KLHL2: variants seen among roughly 807,000 people sequenced by gnomAD.
KLHL2 encodes kelch like family member 2.
KLHL2 carries 15 observed loss-of-function variants against 75.8 expected under a neutral mutation model. The observed-to-expected ratio is 0.20, with a 90% CI of 0.13 to 0.30. The LOEUF (loss-of-function observed/expected upper bound fraction) is 0.30, where lower values mean the gene tolerates loss of function less well. Among genes scored for constraint, KLHL2 ranks in the 10% least tolerant of loss-of-function variants. The pLI, the probability that KLHL2 is intolerant of heterozygous loss-of-function variation, is 1.00. For missense variants in KLHL2, 381 were observed against 741.0 expected (o/e 0.51, Z 5.64); for synonymous variants, 214 against 251.9 (o/e 0.85, Z 1.42).
chr4:165,277,071 A>T (rs1316315038), intron 5 of KLHL2, among the ~76,000 whole-genome samples: 3 of 152,334 alleles, frequency 2.0e-5, no homozygotes, highest in Middle Eastern at 3.4e-3. Flanking sequence ...AAATTCTGGT[A>T]GATATTATGC....
chr4:165,288,335 C>T lies in KLHL2; in HGVS notation c.545-6024C>T, dbSNP rs976630634. 1.2e-4 allele frequency among the ~76,000 whole-genome samples: 18 copies of T among 152,090 alleles called. 1 individual carries two copies. The highest frequency in any genetic ancestry group is 3.4e-3 in the Middle Eastern group (1 of 294). On this transcript the variant is annotated intron_variant, in intron 5 of 14. Coordinates refer to ENST00000226725, the MANE Select transcript of KLHL2 (RefSeq NM_007246.4). ...ACATGAGGATTTAAAAATATTTGAACGGTATACATTGAAAGAGTCATCCTT... is the reference window on the plus strand; with the variant it reads ...ACATGAGGATTTAAAAATATTTGAATGGTATACATTGAAAGAGTCATCCTT...
intron 13 of KLHL2, among the ~76,000 whole-genome samples, chr4:165,316,615 A>G (rs1364330214): frequency 6.8e-6 from 1 of 147,318 alleles, no homozygotes; most frequent in East Asian, 1.9e-4. Context: ...AAAAGCATTT[A>G]CCATTAGACT....
Position 165,263,455 on chromosome 4 carries a change from G to A in KLHL2, c.544+96G>A, listed in dbSNP as rs909317739. The stretch of plus-strand genomic sequence containing the variant: ...TCTGGAAAGTCATGTCATATTTCTG[G>A]ATCTGGGCTTTATAAAAATACATTT... On this transcript the variant is annotated intron_variant, in intron 5 of 14. Transcript: ENST00000226725. 5.9e-6 allele frequency: 9 copies of A among 1,519,570 alleles called. No individual in the cohort carries two copies. The Admixed American group carries it at 8.7e-5, about 15-fold the overall frequency. 94.1% of individuals were successfully genotyped at this position (1,519,570 alleles called of 1,614,324 possible). A position where few individuals can be genotyped will look rare whatever the true frequency, so the allele number is the denominator to read the frequency against.
At position 165,242,654 on chromosome 4, in the gene KLHL2, G is replaced by A. The variant is rs71618448; in HGVS notation, c.381+3755G>A. On this transcript the variant is annotated intron_variant, in intron 4 of 14. Coordinates refer to ENST00000226725, the MANE Select transcript of KLHL2 (RefSeq NM_007246.4). Reference sequence around the variant, plus strand: ...TGGGACTACAGACATGCACCATCACGCCCGGCTAATTTTTGTATTTTTAGT... The same window carrying A: ...TGGGACTACAGACATGCACCATCACACCCGGCTAATTTTTGTATTTTTAGT... Among the ~76,000 whole-genome samples, 1,354 of 151,866 alleles carry A rather than the reference G, an allele frequency of 8.9e-3. 11 individuals carry two copies. The highest frequency in any genetic ancestry group is 0.017 in the Middle Eastern group (5 of 294).
chr4:165,220,485 C>T (rs1312495560), intron 2 of KLHL2, among the ~76,000 whole-genome samples: 10 of 151,954 alleles, frequency 6.6e-5, no homozygotes, highest in African/African-American at 2.4e-4. Flanking sequence ...TTTGAGAGGC[C>T]AGGGCAGGAG....
At chr4:165,291,822 C>T (rs1462010453) in intron 5 of KLHL2, among the ~76,000 whole-genome samples, 1 of 151,926 alleles carries the variant, frequency 6.6e-6, no homozygotes, top group Non-Finnish European at 1.5e-5. Context: ...CTCCCGTATA[C>T]TTTATTTTTA....
intron 11 of KLHL2, among the ~76,000 whole-genome samples, 170 bp from the exon 12 acceptor site, chr4:165,313,068 G>A (rs1443975388): frequency 6.6e-6 from 1 of 152,092 alleles, no homozygotes; most frequent in Non-Finnish European, 1.5e-5. Context: ...TACCCCATCT[G>A]TCACCATTAG....
chr4:165,215,889 A>C (rs1477781884), intron 1 of KLHL2, among the ~76,000 whole-genome samples: 1 of 152,104 alleles, frequency 6.6e-6, no homozygotes, highest in Non-Finnish European at 1.5e-5. Context: ...ACTCCTGGAG[A>C]TGCCATCATG....
In KLHL2 at chr4:165,236,900, C is replaced by A. The variant is rs201431326; in HGVS notation, c.260-1878C>A. On this transcript the variant is annotated intron_variant, in intron 3 of 14. Transcript: ENST00000226725. ...GCATCTTATAGCAATACCTTAAAAA[C>A]TATAATATTAAAAACTGTTTGGCAG... Among the ~76,000 whole-genome samples the A allele has an allele frequency of 6.0e-4, 91 of 151,486 alleles. 1 individual carries two copies. In the East Asian group the frequency reaches 0.017, roughly 28 times the overall value.
intron 5 of KLHL2, among the ~76,000 whole-genome samples, chr4:165,265,607 C>T (rs1309336282): frequency 2.0e-5 from 3 of 151,406 alleles, no homozygotes; most frequent in African/African-American, 7.3e-5. Flanking sequence ...ACGAGCACAA[C>T]GTGATGGTTT....
intron 1 of KLHL2, among the ~76,000 whole-genome samples, chr4:165,208,721 T>C (rs1415379799): frequency 6.6e-6 from 1 of 152,200 alleles, no homozygotes; most frequent in Non-Finnish European, 1.5e-5. Flanking sequence ...CCCAGGAGTT[T>C]CGAAAATTTC....
chr4:165,242,521 A>G (rs1739892568), intron 4 of KLHL2, among the ~76,000 whole-genome samples: 1 of 152,144 alleles, frequency 6.6e-6, no homozygotes, highest in South Asian at 2.1e-4. Flanking sequence ...TTATTGAGAC[A>G]GAGTCTTGCT....
At chr4:165,276,626 A>T (rs1743135283) in intron 5 of KLHL2, among the ~76,000 whole-genome samples, 1 of 152,124 alleles carries the variant, frequency 6.6e-6, no homozygotes, top group Non-Finnish European at 1.5e-5. Context: ...AAATATTTTG[A>T]GAAATTCTTG....
chr4:165,313,401 A>C lies in KLHL2; in HGVS notation c.1468+35A>C, dbSNP rs778361996. On this transcript the variant is annotated intron_variant, in intron 12 of 14. Transcript: ENST00000226725. ...AACCTGTTTTAGCAACTGAAGCACA[A>C]AAATGATGGAAAATAGTTAAAGTAA... 5 of 1,410,782 alleles carry C rather than the reference A, an allele frequency of 3.5e-6. No homozygotes were observed. In the South Asian group the frequency reaches 8.8e-5, roughly 25 times the overall value. 87.4% of individuals were successfully genotyped at this position (1,410,782 alleles called of 1,614,324 possible). A position where few individuals can be genotyped will look rare whatever the true frequency, so the allele number is the denominator to read the frequency against.
intron 5 of KLHL2, among the ~76,000 whole-genome samples, chr4:165,275,439 T>C (rs985071018): frequency 6.6e-6 from 1 of 152,200 alleles, no homozygotes; most frequent in African/African-American, 2.4e-5. Flanking sequence ...ACTTGAAATA[T>C]GAATTTTATT....
chr4:165,322,453 A>G lies in KLHL2; in HGVS notation c.*393A>G, dbSNP rs1747056393. The G allele has an allele frequency of 6.2e-6, 1 of 161,382 alleles. No homozygotes were observed. The highest frequency in any genetic ancestry group is 1.3e-5 in the Non-Finnish European group (1 of 74,202). 10.0% of individuals were successfully genotyped at this position (161,382 alleles called of 1,614,324 possible). ...ATCTTTATTTCTTCTAAAAATCTGT[A>G]TACCAGGAACTGAAAATCTTTGAAC... On this transcript the variant is annotated 3_prime_UTR_variant, in exon 15 of 15. Coordinates refer to ENST00000226725, the MANE Select transcript of KLHL2 (RefSeq NM_007246.4).
chr4:165,276,554 G>A (rs183523981), intron 5 of KLHL2, among the ~76,000 whole-genome samples: 13 of 151,598 alleles, frequency 8.6e-5, no homozygotes, highest in Middle Eastern at 3.4e-3. Context: ...GTAATTTTAA[G>A]ATATTTTTAA....
intron 2 of KLHL2, 38 bp from the exon 3 acceptor site, chr4:165,228,769 G>A (rs1168662558): frequency 7.6e-7 from 1 of 1,318,612 alleles, no homozygotes; most frequent in Admixed American, 1.7e-5. Context: ...ATTCGTTGTT[G>A]ATATCATTTA....
chr4:165,223,311 TACAG>T (rs975854385), intron 2 of KLHL2, among the ~76,000 whole-genome samples: 16 of 152,184 alleles, frequency 1.1e-4, no homozygotes, highest in Non-Finnish European at 2.9e-5. Context: ...GCTGGACACA[TACAG>T]AGAGGAGGAT....
Sources: allele counts gnomAD v4.1 joint callset (sites outside exome capture counted in the v4.1 genomes callset), GRCh38; gene constraint gnomAD v4.1.1; transcripts MANE v1.5; gene names NCBI Gene and HGNC (gene_info 2026-07-23, HGNC 2026-07-21).